RPL17: variants seen among roughly 807,000 people sequenced by gnomAD.
RPL17 encodes the protein ribosomal protein L17.
Under a neutral mutation model 27.7 loss-of-function variants are expected in RPL17, and 2 were observed. That is an observed-to-expected ratio of 0.07 (90% CI 0.03 to 0.23). The LOEUF (loss-of-function observed/expected upper bound fraction) is 0.23. Among genes scored for constraint, RPL17 ranks in the 10% least tolerant of loss-of-function variants. The probability of loss-of-function intolerance (pLI) is 1.00; values close to 1 mark genes in which losing one functional copy is unlikely to be tolerated. For missense variants in RPL17, 141 were observed against 238.8 expected (o/e 0.59, Z 2.70); for synonymous variants, 76 against 75.5 (o/e 1.01, Z -0.03).
At chr18:49,488,629 A>C in intron 6 of RPL17, 63 bp from the exon 7 acceptor site, 1 of 983,024 alleles carries the variant, frequency 1.0e-6, no homozygotes, top group East Asian at 2.4e-5. Context: ...GGAGGACTTC[A>C]GCTTATTCTG....
intron 3 of RPL17, 43 bp from the exon 4 acceptor site, chr18:49,490,970 T>A: frequency 1.9e-6 from 3 of 1,606,580 alleles, no homozygotes; most frequent in Non-Finnish European, 2.5e-6. Context: ...GATCAAAGCT[T>A]TAATTTTTAA....
intron 4 of RPL17, 119 bp from the exon 5 acceptor site, chr18:49,490,671 G>T: frequency 6.3e-7 from 1 of 1,585,476 alleles, no homozygotes; most frequent in Non-Finnish European, 8.6e-7. Flanking sequence ...ATCAATCCAA[G>T]GTGTCCTGTC....
rs1407185168 is a variant in RPL17 at position 49,492,438 on chromosome 18, A to C, written c.-14+20T>G. 5 of 152,408 alleles carry C rather than the reference A, an allele frequency of 3.3e-5. No homozygotes were observed. The highest frequency in any genetic ancestry group is 7.3e-5 in the Non-Finnish European group (5 of 68,188). The allele number at this position is 152,408 out of a possible 1,614,324, so 9.4% of individuals were successfully genotyped here. A position where few individuals can be genotyped will look rare whatever the true frequency, so the allele number is the denominator to read the frequency against. The stretch of plus-strand genomic sequence containing the variant: ...GGCAGGAGGATTGGGCCCTCGGAGC[A>C]ACGCAGGAGAAACACTCACCTCAGG... On this transcript the variant is annotated intron_variant, in intron 1 of 6. Coordinates refer to ENST00000580261, the MANE Select transcript of RPL17 (RefSeq NM_001035006.5).
chr18:49,490,338 T>G, intron 5 of RPL17, 116 bp downstream of exon 5: 1 of 1,145,342 alleles, frequency 8.7e-7, no homozygotes, highest in South Asian at 1.5e-5. Flanking sequence ...AGGTAGAAAT[T>G]TAAAAAATCC....
chr18:49,491,173 C>T, intron 3 of RPL17: 2 of 887,392 alleles, frequency 2.3e-6, no homozygotes, highest in South Asian at 2.9e-5. Flanking sequence ...AATTAAAATG[C>T]CCCATCTTGA....
Position 49,488,576 on chromosome 18 carries a change from G to GA in RPL17, c.508-11dup. 1 of 1,513,674 alleles carries GA rather than the reference G, an allele frequency of 6.6e-7. No homozygotes were observed. Among genetic ancestry groups the GA allele is most frequent in the Non-Finnish European group, 9.0e-7 (1 of 1,109,522 alleles). The allele number at this position is 1,513,674 out of a possible 1,614,324, so 93.8% of individuals were successfully genotyped here. A position where few individuals can be genotyped will look rare whatever the true frequency, so the allele number is the denominator to read the frequency against. On this transcript the variant is annotated splice_polypyrimidine_tract_variant and intron_variant, in intron 6 of 6. Coordinates refer to ENST00000580261, the MANE Select transcript of RPL17 (RefSeq NM_001035006.5). ...GTTTCTTCTGGGATATCTGGGGAAA[G>GA]AAAAATGTGTTAAGTTTCTTAGAGA...
rs1256116264 is a variant in RPL17 at position 49,489,648 on chromosome 18, A to G, written c.316-98T>C. ...AAATATGAATTCCCAGGCTTGCTCC[A>G]GAGTCCTGCCTCAATGAAATCATTT... On this transcript the variant is annotated intron_variant, in intron 5 of 6. Transcript: ENST00000580261. The G allele has an allele frequency of 1.5e-5, 20 of 1,296,208 alleles. No individual in the cohort carries two copies. In the Admixed American group the frequency reaches 2.3e-4, roughly 15 times the overall value. The allele number at this position is 1,296,208 out of a possible 1,614,324, so 80.3% of individuals were successfully genotyped here. A position where few individuals can be genotyped will look rare whatever the true frequency, so the allele number is the denominator to read the frequency against.
In RPL17 at chr18:49,491,459, C is replaced by T. The variant is rs748916545; in HGVS notation, c.41-14G>A. 2 of 1,614,006 alleles carry T rather than the reference C, an allele frequency of 1.2e-6. No individual in the cohort carries two copies. The highest frequency in any genetic ancestry group is 1.7e-6 in the Non-Finnish European group (2 of 1,179,978). On this transcript the variant is annotated splice_polypyrimidine_tract_variant and intron_variant, in intron 2 of 6. Transcript: ENST00000580261. ...TTGATTTGCATGCTAGAAAATAAAA[C>T]GTTTTGGTTAATTTTTGGTATCTTA...
Position 49,491,430 on chromosome 18 carries a change from C to A in RPL17, c.56G>T (p.Gly19Val). Residue 19 changes from glycine to valine, a missense_variant, in exon 3 of 7, where the codon GGT (glycine) becomes GTT (valine). Gly to Val is a moderately radical substitution (Grantham distance 109). Around this residue, in one of 2 missense-constraint regions of RPL17, gnomAD observed 107 missense variants for 150.1 expected, o/e 0.71. Coordinates refer to ENST00000580261, the MANE Select transcript of RPL17 (RefSeq NM_001035006.5). The stretch of plus-strand genomic sequence containing the variant: ...CTTAAAGTGAACACGAAGATTGGAA[C>A]CTCTTGATTTGCATGCTAGAAAATA... ...ENPTKSCKSR[G>V]SNLRVHFKNT... 1 of 1,614,108 alleles carries A rather than the reference C, an allele frequency of 6.2e-7. No homozygotes were observed.
At chr18:49,491,950 C>A in intron 1 of RPL17, 1 of 385,652 alleles carries the variant, frequency 2.6e-6, no homozygotes, top group Non-Finnish European at 5.0e-6. Flanking sequence ...CTCCCTCCCG[C>A]TCTACAGAAA....
intron 2 of RPL17, 34 bp from the exon 3 acceptor site, chr18:49,491,479 A>G: frequency 6.2e-7 from 1 of 1,614,140 alleles, no homozygotes; most frequent in Non-Finnish European, 8.5e-7. Context: ...AATTTTTGGT[A>G]TCTTATGCCA....
chr18:49,490,375 A>T (rs892900269), intron 5 of RPL17, 79 bp downstream of exon 5: 77 of 1,458,488 alleles, frequency 5.3e-5, no homozygotes, highest in Non-Finnish European at 6.7e-5. Flanking sequence ...AAAACAAGAA[A>T]ATCAAGGACA....
intron 3 of RPL17, 33 bp downstream of exon 3, chr18:49,491,369 TGAG>T (rs770158360): frequency 1.9e-6 from 3 of 1,613,932 alleles, no homozygotes; most frequent in African/African-American, 2.7e-5. Flanking sequence ...GAGTGGAACA[TGAG>T]GAACTGTTGG....
intron 5 of RPL17, 128 bp from the exon 6 acceptor site, chr18:49,489,678 A>G (rs1045443457): frequency 2.1e-6 from 2 of 956,258 alleles, no homozygotes; most frequent in South Asian, 1.7e-5. Context: ...TCATTTTTAA[A>G]AGGCAATCCT....
chr18:49,488,813 G>GA (rs1379346244), intron 6 of RPL17, among the ~76,000 whole-genome samples: 1 of 152,038 alleles, frequency 6.6e-6, no homozygotes. Context: ...GATTTGGGGA[G>GA]AGGGCCCATT....
At chr18:49,490,640 T>C in intron 4 of RPL17, 88 bp from the exon 5 acceptor site, 1 of 1,598,168 alleles carries the variant, frequency 6.3e-7, no homozygotes, top group Non-Finnish European at 8.6e-7. Context: ...CACGGTTTCT[T>C]AGGATATGGT....
rs574174688 is a variant in RPL17 at position 49,490,131 on chromosome 18, T to C, written c.315+323A>G. 12 of 268,818 alleles carry C rather than the reference T, an allele frequency of 4.5e-5. No homozygotes were observed. In the East Asian group the frequency reaches 1.1e-3, roughly 25 times the overall value. The allele number at this position is 268,818 out of a possible 1,614,324, so 16.7% of individuals were successfully genotyped here. ...CAATCATTTTGATAATTAATCATACTACCAAAGGTGTATGTCACAAAAAGG... is the reference window on the plus strand; with the variant it reads ...CAATCATTTTGATAATTAATCATACCACCAAAGGTGTATGTCACAAAAAGG... On this transcript the variant is annotated intron_variant, in intron 5 of 6. Coordinates refer to ENST00000580261, the MANE Select transcript of RPL17 (RefSeq NM_001035006.5).
At position 49,488,750 on chromosome 18, in the gene RPL17, G is replaced by C. The variant is rs554947928; in HGVS notation, c.508-184C>G. On this transcript the variant is annotated intron_variant, in intron 6 of 6. Coordinates refer to ENST00000580261, the MANE Select transcript of RPL17 (RefSeq NM_001035006.5). Reference sequence around the variant, plus strand: ...AAAAGAAGTGTACAGAATCACTCAGGTTCTTGACTTAAAAGAACTAAATGT... The same window carrying C: ...AAAAGAAGTGTACAGAATCACTCAGCTTCTTGACTTAAAAGAACTAAATGT... Among the ~76,000 whole-genome samples the C allele has an allele frequency of 4.2e-4, 64 of 152,116 alleles. 2 individuals are homozygous for C. The highest frequency in any genetic ancestry group is 5.4e-4 in the Non-Finnish European group (37 of 68,012).
In RPL17 at chr18:49,491,987, G is replaced by A. The variant is rs540476136; in HGVS notation, c.-13-403C>T. 2.0e-4 allele frequency: 72 copies of A among 360,798 alleles called. 1 individual carries two copies. The highest frequency in any genetic ancestry group is 7.4e-4 in the South Asian group (34 of 46,196). The allele number at this position is 360,798 out of a possible 1,614,324, so 22.3% of individuals were successfully genotyped here. ...CCCTTTGCTGTCAGGGCTGCAGGTA[G>A]TGAGTGCCGTCTCTCTCAACACCTT... On this transcript the variant is annotated intron_variant, in intron 1 of 6. Coordinates refer to ENST00000580261, the MANE Select transcript of RPL17 (RefSeq NM_001035006.5).
Sources: gnomAD v4.1 joint callset for allele counts (sites outside exome capture counted in the v4.1 genomes callset) on GRCh38, gnomAD v4.1.1 for gene constraint, gnomAD v4.1.1 regional missense constraint, MANE v1.5 for transcripts, NCBI Gene and HGNC (gene_info 2026-07-23, HGNC 2026-07-21) for gene names.